CSGALNACT1: variants seen among roughly 807,000 people sequenced by gnomAD.
CSGALNACT1 encodes the protein chondroitin sulfate N-acetylgalactosaminyltransferase 1.
Under a neutral mutation model 51.0 loss-of-function variants are expected in CSGALNACT1, and 52 were observed. The observed-to-expected ratio is 1.02, with a 90% CI of 0.82 to 1.29. CSGALNACT1 has a LOEUF of 1.29. Ranked by LOEUF, CSGALNACT1 falls within the 50% of genes most tolerant of loss-of-function variation. CSGALNACT1 has a pLI of 0.00. For synonymous variants in CSGALNACT1, 341 were observed against 254.4 expected (o/e 1.34, Z -3.24); for missense variants, 935 against 679.2 (o/e 1.38, Z -4.19).
At position 19,411,498 on chromosome 8, in the gene CSGALNACT1, A is replaced by C. The variant is rs191689740; in HGVS notation, c.1228-2804T>G. Among the ~76,000 whole-genome samples, 37 of 152,338 alleles carry C rather than the reference A, an allele frequency of 2.4e-4. No individual in the cohort carries two copies. In the Middle Eastern group the frequency reaches 0.017, roughly 70 times the overall value. ...GGCAGAGATGGTTCCAAGCCAGTGG[A>C]AACAGACACGTTGCAAGATGTTCGC... is the stretch of plus-strand genomic sequence containing the variant. On this transcript the variant is annotated intron_variant, in intron 8 of 9. Transcript: ENST00000454498.
At chr8:19,661,016 G>A (rs112505740) in intron 1 of CSGALNACT1, among the ~76,000 whole-genome samples, 1 of 151,948 alleles carries the variant, frequency 6.6e-6, no homozygotes, top group Admixed American at 6.5e-5. Flanking sequence ...GGGTTCAAGC[G>A]AATCTCCTGC....
chr8:19,563,256 GAC>G (rs1426176603), intron 3 of CSGALNACT1, among the ~76,000 whole-genome samples: 1 of 152,044 alleles, frequency 6.6e-6, no homozygotes, highest in East Asian at 1.9e-4. Context: ...GGAGGGGAAC[GAC>G]ACACAATCGG....
chr8:19,748,650 T>C (rs745808650), intron 1 of CSGALNACT1, among the ~76,000 whole-genome samples: 4 of 152,138 alleles, frequency 2.6e-5, no homozygotes, highest in Non-Finnish European at 5.9e-5. Context: ...TTCCATTTTA[T>C]GGATGAGAAA....
In CSGALNACT1 at chr8:19,440,675, T is replaced by A. The variant is rs2061176530; in HGVS notation, c.852-744A>T. 3.3e-5 allele frequency among the ~76,000 whole-genome samples: 5 copies of A among 152,106 alleles called. 1 individual carries two copies. In the South Asian group the frequency reaches 1.0e-3, roughly 32 times the overall value. ...ACTGGCACAAGACAGGGATGCCCTC[T>A]CTCACCACTCCTATTCAACATAGTG... On this transcript the variant is annotated intron_variant, in intron 5 of 9. Transcript: ENST00000454498.
chr8:19,696,119 G>A (rs1355303812), intron 1 of CSGALNACT1, among the ~76,000 whole-genome samples: 2 of 152,160 alleles, frequency 1.3e-5, no homozygotes, highest in African/African-American at 4.8e-5. Context: ...AATGCTTACG[G>A]CTATGGCTGA....
At chr8:19,747,815 A>G (rs2064775721) in intron 1 of CSGALNACT1, among the ~76,000 whole-genome samples, 1 of 99,260 alleles carries the variant, frequency 1.0e-5, no homozygotes, top group Non-Finnish European at 2.2e-5. Context: ...GAGGAGAAGT[A>G]AAAAAAAAAA....
chr8:19,670,657 A>AAC (rs1285106002), intron 1 of CSGALNACT1, among the ~76,000 whole-genome samples: 38 of 143,020 alleles, frequency 2.7e-4, no homozygotes, highest in African/African-American at 8.9e-4. Flanking sequence ...AGACAAAAAA[A>AAC]AAAAAAAAAA....
intron 5 of CSGALNACT1, among the ~76,000 whole-genome samples, chr8:19,454,886 A>C (rs2063803995): frequency 6.6e-6 from 1 of 152,220 alleles, no homozygotes; most frequent in Admixed American, 6.5e-5. Context: ...CACAGTGAAG[A>C]CACATTTTCT....
intron 1 of CSGALNACT1, among the ~76,000 whole-genome samples, chr8:19,670,650 CAAAAAAAA>C (rs752256046): frequency 0.011 from 981 of 92,854 alleles, 14 homozygotes; most frequent in African/African-American, 0.039. Context: ...CTACTGAAGA[CAAAAAAAA>C]AAAAAAAAAA....
At chr8:19,640,881 G>GTT (rs143545818) in intron 1 of CSGALNACT1, among the ~76,000 whole-genome samples, 5 of 148,646 alleles carry the variant, frequency 3.4e-5, no homozygotes, top group Admixed American at 1.3e-4. Context: ...AGTTTTGGTT[G>GTT]TTTTTTTTTT....
At chr8:19,588,303 T>C (rs541652876) in intron 3 of CSGALNACT1, among the ~76,000 whole-genome samples, 2 of 152,322 alleles carry the variant, frequency 1.3e-5, no homozygotes, top group South Asian at 2.1e-4. Context: ...GGGTATTCAA[T>C]TGGCAATGAC....
chr8:19,424,913 A>G (rs184006430), intron 6 of CSGALNACT1, among the ~76,000 whole-genome samples: 15 of 152,302 alleles, frequency 9.8e-5, no homozygotes, highest in African/African-American at 3.6e-4. Flanking sequence ...ATGCTGCTTT[A>G]TTCTCTGTCC....
chr8:19,523,771 C>T (rs1426249468), intron 3 of CSGALNACT1, among the ~76,000 whole-genome samples: 1 of 152,126 alleles, frequency 6.6e-6, no homozygotes, highest in East Asian at 1.9e-4. Context: ...TCCCTGTCCT[C>T]ACCAGGGTAA....
intron 3 of CSGALNACT1, among the ~76,000 whole-genome samples, chr8:19,577,243 G>A (rs2044445096): frequency 6.6e-6 from 1 of 152,066 alleles, no homozygotes; most frequent in Non-Finnish European, 1.5e-5. Flanking sequence ...CTCTACTGCT[G>A]GGGATGAGTC....
At chr8:19,434,946 C>T (rs181181133) in intron 6 of CSGALNACT1, among the ~76,000 whole-genome samples, 1 of 152,088 alleles carries the variant, frequency 6.6e-6, no homozygotes, top group Non-Finnish European at 1.5e-5. Context: ...CTGGGGGTAT[C>T]TGTCAAATCA....
chr8:19,511,839 A>G (rs1199408267), intron 3 of CSGALNACT1, among the ~76,000 whole-genome samples: 5 of 152,214 alleles, frequency 3.3e-5, no homozygotes, highest in African/African-American at 1.2e-4. Flanking sequence ...GAAACTTACA[A>G]TCATGGTGGA....
chr8:19,749,356 T>A (rs1006884153), intron 1 of CSGALNACT1, among the ~76,000 whole-genome samples: 2 of 148,462 alleles, frequency 1.3e-5, no homozygotes, highest in African/African-American at 2.5e-5. Context: ...TTTTTGGCTT[T>A]AAAAAAAAAA....
upstream of CSGALNACT1, among the ~76,000 whole-genome samples, chr8:19,686,793 A>G (rs2061003209): frequency 6.6e-6 from 1 of 152,208 alleles, no homozygotes; most frequent in Non-Finnish European, 1.5e-5. Flanking sequence ...AGACAGGGAT[A>G]CCATCCATCC....
At chr8:19,517,388 C>T (rs368007106) in intron 3 of CSGALNACT1, among the ~76,000 whole-genome samples, 16 of 151,974 alleles carry the variant, frequency 1.1e-4, no homozygotes, top group African/African-American at 2.4e-4. Context: ...TGCCGTGAGC[C>T]GAGATTGCAC....
Sources: gnomAD v4.1 joint callset for allele counts (sites outside exome capture counted in the v4.1 genomes callset) on GRCh38, gnomAD v4.1.1 for gene constraint, MANE v1.5 for transcripts, NCBI Gene and HGNC (gene_info 2026-07-23, HGNC 2026-07-21) for gene names.